AKAP6: variants seen among roughly 807,000 people sequenced by gnomAD.
AKAP6 encodes A-kinase anchor protein 6.
AKAP6 carries 58 observed loss-of-function variants against 188.5 expected under a neutral mutation model. The observed-to-expected ratio is 0.31, with a 90% CI of 0.25 to 0.38. The LOEUF is 0.38. AKAP6 is among the 10% of genes least tolerant of loss of function. The pLI is 1.00. For missense variants in AKAP6, 2,710 were observed against 2,740.0 expected, an observed-to-expected ratio of 0.99 and a Z score of 0.24; for synonymous variants, 989 against 998.6, an observed-to-expected ratio of 0.99 and a Z score of 0.18.
At chr14:32,705,761 C>T (rs1890788287) in intron 9 of AKAP6, among the ~76,000 whole-genome samples, 1 of 152,144 alleles carries the variant, frequency 6.6e-6, no homozygotes, top group African/African-American at 2.4e-5. Context: ...ATTTATTTCT[C>T]ATGCATACTA....
chr14:32,793,830 A>G (rs1169300220), intron 12 of AKAP6, among the ~76,000 whole-genome samples: 7 of 152,102 alleles, frequency 4.6e-5, no homozygotes, highest in Admixed American at 4.6e-4. Context: ...CACCCTATAC[A>G]GAAGCACCGA....
chr14:32,752,799 G>A (rs1457003784), intron 11 of AKAP6, among the ~76,000 whole-genome samples: 1 of 151,942 alleles, frequency 6.6e-6, no homozygotes, highest in Non-Finnish European at 1.5e-5. Flanking sequence ...TCTGTGCCTG[G>A]CTTATTTCAC....
chr14:32,455,392 G>C (rs1375188850), intron 2 of AKAP6, among the ~76,000 whole-genome samples: 2 of 152,122 alleles, frequency 1.3e-5, no homozygotes, highest in Non-Finnish European at 2.9e-5. Flanking sequence ...TATAATTTTA[G>C]ATTTGAAATG....
intron 12 of AKAP6, 109 bp downstream of exon 12, chr14:32,774,002 C>A: frequency 8.2e-7 from 1 of 1,221,894 alleles, no homozygotes; most frequent in Non-Finnish European, 1.2e-6. Flanking sequence ...TACTAACTAA[C>A]TTAAAGTGGT....
At position 32,805,096 on chromosome 14, in the gene AKAP6, T is replaced by TCC. The variant is rs1306638376; in HGVS notation, c.3589-16305_3589-16304dup. 2.0e-5 allele frequency among the ~76,000 whole-genome samples: 3 copies of TCC among 152,346 alleles called. No individual in the cohort carries two copies. In the East Asian group the frequency reaches 5.8e-4, roughly 29 times the overall value. ...TATCACAATGGTCCTGAGGTGTACA[T>TCC]CCTCAGCTTACGAAGATAACAGGAT... On this transcript the variant is annotated intron_variant, in intron 12 of 13. Coordinates refer to ENST00000280979, the MANE Select transcript of AKAP6 (RefSeq NM_004274.5).
intron 12 of AKAP6, among the ~76,000 whole-genome samples, chr14:32,785,723 C>CT (rs34108551): frequency 0.58 from 88,542 of 151,866 alleles, 26,052 homozygotes; most frequent in Admixed American, 0.64. Flanking sequence ...TTTGAAAGAT[C>CT]TTGTACAGGA....
In AKAP6 at chr14:32,712,143, A is replaced by C. The variant is rs138681626; in HGVS notation, c.3000+16033A>C. ...AATAAGGCAAATATCATAATAAAGC[A>C]AGTCACGTGAATCTTTTGGTTTCGC... On this transcript the variant is annotated intron_variant, in intron 9 of 13. Coordinates refer to ENST00000280979, the MANE Select transcript of AKAP6 (RefSeq NM_004274.5). Among the ~76,000 whole-genome samples the C allele has an allele frequency of 1.3e-4, 20 of 152,142 alleles. No individual in the cohort carries two copies. The East Asian group carries it at 3.9e-3, about 29-fold the overall frequency.
intron 1 of AKAP6, among the ~76,000 whole-genome samples, chr14:32,432,979 G>A (rs2138706008): frequency 6.6e-6 from 1 of 152,240 alleles, no homozygotes; most frequent in South Asian, 2.1e-4. Context: ...TAGCCATCAA[G>A]TCCACATTAC....
chr14:32,474,995 T>C (rs1338566991), intron 2 of AKAP6, among the ~76,000 whole-genome samples: 11 of 152,172 alleles, frequency 7.2e-5, no homozygotes, highest in Admixed American at 7.2e-4. Context: ...GGAAGTATAT[T>C]TCTTTAAATG....
chr14:32,423,661 A>G (rs77781902), intron 1 of AKAP6, among the ~76,000 whole-genome samples: 4,182 of 152,256 alleles, frequency 0.027, 66 homozygotes, highest in East Asian at 0.084. Flanking sequence ...TTGAGGTCAC[A>G]ACATATAAAT....
intron 2 of AKAP6, among the ~76,000 whole-genome samples, chr14:32,531,567 CA>C (rs1330841093): frequency 2.0e-5 from 3 of 150,572 alleles, no homozygotes; most frequent in Non-Finnish European, 4.4e-5. Flanking sequence ...TGTAGATTTG[CA>C]TAACACCTCC....
intron 12 of AKAP6, among the ~76,000 whole-genome samples, chr14:32,786,310 T>TTGTTTTTTTTG (rs1566710302): frequency 1.0e-5 from 1 of 95,256 alleles, no homozygotes; most frequent in Non-Finnish European, 2.3e-5. Flanking sequence ...TTTTTTTTTT[T>TTGTTTTTTTTG]TTTTTTTTTT....
At chr14:32,439,940 C>T (rs540802248) in intron 2 of AKAP6, among the ~76,000 whole-genome samples, 2 of 151,974 alleles carry the variant, frequency 1.3e-5, no homozygotes, top group Non-Finnish European at 2.9e-5. Context: ...TTCTTTTCTG[C>T]GAAGAGTAGT....
At chr14:32,816,056 CTA>C (rs774093453) in intron 12 of AKAP6, among the ~76,000 whole-genome samples, 4 of 152,068 alleles carry the variant, frequency 2.6e-5, no homozygotes, top group Non-Finnish European at 5.9e-5. Context: ...CTATTTTATT[CTA>C]TGTTTTTTCT....
chr14:32,369,800 G>T (rs1470608443), intron 1 of AKAP6, among the ~76,000 whole-genome samples: 2 of 152,182 alleles, frequency 1.3e-5, no homozygotes, highest in East Asian at 3.8e-4. Context: ...GGAGGCCGAG[G>T]TGGGTGGATC....
At chr14:32,580,987 A>T (rs1379782551) in intron 5 of AKAP6, among the ~76,000 whole-genome samples, 1 of 152,084 alleles carries the variant, frequency 6.6e-6, no homozygotes, top group Non-Finnish European at 1.5e-5. Flanking sequence ...AGTCTTTGCT[A>T]TTGTGAATAG....
chr14:32,641,310 G>A (rs1206325430), intron 7 of AKAP6, among the ~76,000 whole-genome samples: 1 of 151,616 alleles, frequency 6.6e-6, no homozygotes, highest in African/African-American at 2.4e-5. Context: ...TACAAGAAAG[G>A]AAATCAGAAA....
chr14:32,574,858 T>C (rs758656003), intron 4 of AKAP6, among the ~76,000 whole-genome samples: 12 of 152,186 alleles, frequency 7.9e-5, no homozygotes, highest in Non-Finnish European at 1.5e-4. Context: ...TGTAAGTCCA[T>C]CTGGTCAGCA....
At chr14:32,787,364 G>A (rs2033453644) in intron 12 of AKAP6, among the ~76,000 whole-genome samples, 1 of 152,136 alleles carries the variant, frequency 6.6e-6, no homozygotes, top group African/African-American at 2.4e-5. Flanking sequence ...TGTGACCTCA[G>A]CTTATAATTT....
Sources: gnomAD v4.1 joint callset for allele counts (sites outside exome capture counted in the v4.1 genomes callset) on GRCh38, gnomAD v4.1.1 for gene constraint, MANE v1.5 for transcripts, NCBI Gene and HGNC (gene_info 2026-07-23, HGNC 2026-07-21) for gene names.